Variants in GPATCH2 observed in about 807,000 individuals in gnomAD.
GPATCH2 encodes G patch domain-containing protein 2.
A neutral mutation model predicts 58.0 loss-of-function variants in GPATCH2; 51 were observed. The observed-to-expected ratio is 0.88, with a 90% CI of 0.70 to 1.11. The LOEUF (loss-of-function observed/expected upper bound fraction) is 1.11, where lower values mean the gene tolerates loss of function less well. Among genes scored for constraint, GPATCH2 ranks in the 50% most tolerant of loss-of-function variants. The probability of loss-of-function intolerance (pLI) is 0.00; values close to 1 mark genes in which losing one functional copy is unlikely to be tolerated. For synonymous variants in GPATCH2, 222 were observed against 218.5 expected, an observed-to-expected ratio of 1.02 and a Z score of -0.14; for missense variants, 625 against 652.2, an observed-to-expected ratio of 0.96 and a Z score of 0.45.
intron 2 of GPATCH2, among the ~76,000 whole-genome samples, chr1:217,617,140 C>A (rs190322256): frequency 1.3e-5 from 2 of 152,206 alleles, no homozygotes; most frequent in Non-Finnish European, 2.9e-5. Context: ...ATGATAAAAT[C>A]CAAACTATTT....
chr1:217,566,100 T>G (rs1666216050), intron 5 of GPATCH2, among the ~76,000 whole-genome samples: 1 of 18,720 alleles, frequency 5.3e-5, no homozygotes, highest in Non-Finnish European at 9.2e-5. Flanking sequence ...AAACTCCGTC[T>G]CAAAAAAAAA....
chr1:217,612,158 A>G (rs752922478), intron 3 of GPATCH2, among the ~76,000 whole-genome samples: 3 of 151,986 alleles, frequency 2.0e-5, no homozygotes, highest in Admixed American at 6.6e-5. Flanking sequence ...TCCAGCCTGG[A>G]CCACAGGGCG....
intron 8 of GPATCH2, among the ~76,000 whole-genome samples, chr1:217,457,956 G>C (rs577129506): frequency 2.0e-5 from 3 of 152,230 alleles, no homozygotes; most frequent in African/African-American, 4.8e-5. Context: ...GGCCGGGCGC[G>C]GTGGCTCACG....
In GPATCH2 at chr1:217,437,385, C is replaced by T. The variant is rs190059246; in HGVS notation, c.1367-6020G>A. On this transcript the variant is annotated intron_variant, in intron 9 of 9. Transcript: ENST00000366935. ...ACCTGGAATGACAGCGAGACACAAC[C>T]ATTAACTCCTCTGGAAAGGGGGTTG... 5.1e-3 allele frequency among the ~76,000 whole-genome samples: 781 copies of T among 152,282 alleles called. 4 individuals carry two copies. Among genetic ancestry groups the T allele is most frequent in the African/African-American group, 0.018 (736 of 41,562 alleles).
intron 8 of GPATCH2, among the ~76,000 whole-genome samples, chr1:217,474,380 C>A (rs1660879072): frequency 6.6e-6 from 1 of 152,136 alleles, no homozygotes; most frequent in South Asian, 2.1e-4. Flanking sequence ...AGTTGGGAGA[C>A]AATTCTTCTG....
At chr1:217,599,286 A>G (rs1668002037) in intron 5 of GPATCH2, among the ~76,000 whole-genome samples, 1 of 152,186 alleles carries the variant, frequency 6.6e-6, no homozygotes, top group Non-Finnish European at 1.5e-5. Context: ...CACACTTTAG[A>G]AATGTTTACT....
rs1001524934 is a variant in GPATCH2 at position 217,564,929 on chromosome 1, C to T, written c.1098+45392G>A. Among the ~76,000 whole-genome samples the T allele has an allele frequency of 2.0e-5, 3 of 152,068 alleles. No individual in the cohort carries two copies. In the East Asian group the frequency reaches 5.8e-4, roughly 29 times the overall value. The stretch of plus-strand genomic sequence containing the variant: ...TCATTTATTTCCTTTACAAATATTA[C>T]ATTAAATACTTTTGTTCTGCCTCTC... On this transcript the variant is annotated intron_variant, in intron 5 of 9. Coordinates refer to ENST00000366935, the MANE Select transcript of GPATCH2 (RefSeq NM_018040.5).
At chr1:217,546,415 A>G (rs1665053181) in intron 5 of GPATCH2, among the ~76,000 whole-genome samples, 1 of 152,196 alleles carries the variant, frequency 6.6e-6, no homozygotes, top group African/African-American at 2.4e-5. Flanking sequence ...AAACAGACAC[A>G]TAGGCCAATG....
intron 6 of GPATCH2, among the ~76,000 whole-genome samples, chr1:217,510,482 A>G (rs1005971673): frequency 2.0e-5 from 3 of 150,930 alleles, no homozygotes; most frequent in Admixed American, 6.6e-5. Flanking sequence ...ATAATAATAT[A>G]TCGGGTAACA....
At chr1:217,434,831 T>A (rs183950822) in intron 9 of GPATCH2, among the ~76,000 whole-genome samples, 20 of 152,288 alleles carry the variant, frequency 1.3e-4, no homozygotes, top group Non-Finnish European at 1.3e-4. Context: ...CATGCTTTTG[T>A]TTTTATATAG....
chr1:217,454,589 A>G (rs1353452436), intron 8 of GPATCH2, among the ~76,000 whole-genome samples: 2 of 8,150 alleles, frequency 2.5e-4, no homozygotes, highest in Non-Finnish European at 3.2e-3. Flanking sequence ...ACTCTGTCTC[A>G]AAAAAAAAAA....
intron 8 of GPATCH2, among the ~76,000 whole-genome samples, chr1:217,467,955 C>T (rs1360694706): frequency 6.6e-6 from 1 of 152,124 alleles, no homozygotes; most frequent in African/African-American, 2.4e-5. Context: ...ACAGATGGGA[C>T]AATTTTAGCA....
At position 217,502,188 on chromosome 1, in the gene GPATCH2, T is replaced by C. The variant is rs561082487; in HGVS notation, c.1167-3793A>G. On this transcript the variant is annotated intron_variant, in intron 6 of 9. Transcript: ENST00000366935. The stretch of plus-strand genomic sequence containing the variant: ...AACTTTGTTCTTTTTAAAAAAATTG[T>C]TTTTGTGATTCAAATTCCTTTGCTT... Among the ~76,000 whole-genome samples the C allele has an allele frequency of 3.9e-5, 6 of 152,212 alleles. No homozygotes were observed. The East Asian group carries it at 9.6e-4, about 24-fold the overall frequency.
At chr1:217,569,561 G>A (rs955564521) in intron 5 of GPATCH2, among the ~76,000 whole-genome samples, 1 of 152,078 alleles carries the variant, frequency 6.6e-6, no homozygotes, top group African/African-American at 2.4e-5. Context: ...TAGGTGTGGT[G>A]GCATGCACCT....
At position 217,454,663 on chromosome 1, in the gene GPATCH2, G is replaced by A. The variant is rs551223949; in HGVS notation, c.1278-5326C>T. ...TGAGACAGAGTCTCACTGTACCCCA[G>A]TTTGGAGTGCAGTGGCGCTGCTCAC... On this transcript the variant is annotated intron_variant, in intron 8 of 9. Transcript: ENST00000366935. Among the ~76,000 whole-genome samples, 6 of 143,480 alleles carry A rather than the reference G, an allele frequency of 4.2e-5. No individual in the cohort carries two copies. In the South Asian group the frequency reaches 7.1e-4, roughly 17 times the overall value. The allele number at this position is 143,480 out of a possible 152,430, so 94.1% of individuals were successfully genotyped here. A position where few individuals can be genotyped will look rare whatever the true frequency, so the allele number is the denominator to read the frequency against.
chr1:217,509,389 A>G (rs1662727917), intron 6 of GPATCH2, among the ~76,000 whole-genome samples: 1 of 152,168 alleles, frequency 6.6e-6, no homozygotes, highest in Admixed American at 6.5e-5. Flanking sequence ...TTTGGTAGAT[A>G]CTAACATGTA....
At chr1:217,484,580 T>C (rs1661365832) in intron 8 of GPATCH2, among the ~76,000 whole-genome samples, 1 of 132,324 alleles carries the variant, frequency 7.6e-6, no homozygotes, top group Admixed American at 7.8e-5. Context: ...ATATATATGA[T>C]GCACATATAC....
chr1:217,575,547 A>G (rs1009651115), intron 5 of GPATCH2, among the ~76,000 whole-genome samples: 1 of 152,174 alleles, frequency 6.6e-6, no homozygotes, highest in African/African-American at 2.4e-5. Context: ...GACATGAGAA[A>G]ACTGTTACTG....
intron 8 of GPATCH2, among the ~76,000 whole-genome samples, chr1:217,451,887 TA>T (rs1395033760): frequency 1.3e-5 from 2 of 152,186 alleles, no homozygotes; most frequent in African/African-American, 4.8e-5. Context: ...TCTTACAGTT[TA>T]AGCCACTGCA....
Sources: allele counts gnomAD v4.1 joint callset (sites outside exome capture counted in the v4.1 genomes callset), GRCh38; gene constraint gnomAD v4.1.1; transcripts MANE v1.5; gene names NCBI Gene and HGNC (gene_info 2026-07-23, HGNC 2026-07-21).